Variants in PAPPA observed in about 807,000 individuals in gnomAD.
PAPPA encodes pappalysin 1.
Under a neutral mutation model 164.0 loss-of-function variants are expected in PAPPA, and 60 were observed. The ratio of observed to expected loss-of-function variants is 0.37; its 90% confidence interval spans 0.30 to 0.45. The LOEUF is 0.45. PAPPA is among the 20% of genes least tolerant of loss of function. PAPPA has a pLI of 1.00. For missense variants in PAPPA, 1,782 were observed against 2,087.3 expected, an observed-to-expected ratio of 0.85 and a Z score of 2.85; for synonymous variants, 875 against 814.1, an observed-to-expected ratio of 1.07 and a Z score of -1.27.
chr9:116,289,309 AT>A (rs1845398619), intron 9 of PAPPA, among the ~76,000 whole-genome samples: 1 of 145,630 alleles, frequency 6.9e-6, no homozygotes, highest in African/African-American at 2.5e-5. Flanking sequence ...TATAGCATAT[AT>A]ATGGCATATA....
chr9:116,176,572 C>T (rs1046053384), intron 1 of PAPPA, among the ~76,000 whole-genome samples: 1 of 152,096 alleles, frequency 6.6e-6, no homozygotes, highest in Non-Finnish European at 1.5e-5. Context: ...TCCATGGTAG[C>T]AGAGTTGATA....
chr9:116,157,747 C>A (rs1843620704), intron 1 of PAPPA, among the ~76,000 whole-genome samples: 1 of 152,126 alleles, frequency 6.6e-6, no homozygotes, highest in Admixed American at 6.5e-5. Context: ...CACGGACCCA[C>A]CACCCACACA....
chr9:116,294,166 T>C (rs1845472627), intron 9 of PAPPA, among the ~76,000 whole-genome samples: 1 of 152,002 alleles, frequency 6.6e-6, no homozygotes, highest in Non-Finnish European at 1.5e-5. Flanking sequence ...AGTGTGATAA[T>C]GTGATTACTT....
intron 2 of PAPPA, among the ~76,000 whole-genome samples, chr9:116,204,999 C>T (rs1311051707): frequency 6.6e-6 from 1 of 151,948 alleles, no homozygotes. Flanking sequence ...GACACTCAGC[C>T]TGGCTCTGTA....
chr9:116,179,819 C>T (rs1843882496), intron 1 of PAPPA, among the ~76,000 whole-genome samples: 1 of 152,168 alleles, frequency 6.6e-6, no homozygotes, highest in Admixed American at 6.5e-5. Flanking sequence ...TCAAGCATTC[C>T]TCTGTGGCTT....
At chr9:116,302,668 G>C in intron 9 of PAPPA, 89 bp from the exon 10 acceptor site, 5 of 1,006,912 alleles carry the variant, frequency 5.0e-6, no homozygotes, top group Non-Finnish European at 7.5e-6. Context: ...AATGGTTTTG[G>C]TGGTCTGACT....
intron 1 of PAPPA, among the ~76,000 whole-genome samples, chr9:116,156,675 C>G (rs1436172450): frequency 6.6e-6 from 1 of 152,128 alleles, no homozygotes; most frequent in Non-Finnish European, 1.5e-5. Context: ...TTTTCCCTCC[C>G]CTAGTTGAGT....
At chr9:116,261,619 T>G (rs1845002443) in intron 7 of PAPPA, among the ~76,000 whole-genome samples, 2 of 152,228 alleles carry the variant, frequency 1.3e-5, no homozygotes, top group South Asian at 4.1e-4. Context: ...AATGCATATT[T>G]AAGCTTAAGT....
At chr9:116,177,330 A>G (rs1050387965) in intron 1 of PAPPA, among the ~76,000 whole-genome samples, 1 of 152,084 alleles carries the variant, frequency 6.6e-6, no homozygotes, top group Non-Finnish European at 1.5e-5. Flanking sequence ...CTGTGCTTTC[A>G]CTCATGCAAG....
chr9:116,353,876 CT>C (rs1846317715), intron 17 of PAPPA, 83 bp downstream of exon 17: 1 of 952,216 alleles, frequency 1.1e-6, no homozygotes, highest in African/African-American at 1.7e-5. Context: ...TCAGGAACCA[CT>C]TTCTGCACTT....
chr9:116,241,507 T>A (rs1844735109), intron 7 of PAPPA, among the ~76,000 whole-genome samples: 1 of 152,168 alleles, frequency 6.6e-6, no homozygotes, highest in Non-Finnish European at 1.5e-5. Flanking sequence ...AATATGAATT[T>A]CTTATAACAT....
intron 18 of PAPPA, among the ~76,000 whole-genome samples, chr9:116,365,907 C>G (rs1266188914): frequency 6.6e-6 from 1 of 152,144 alleles, no homozygotes; most frequent in Non-Finnish European, 1.5e-5. Context: ...AGATGTGGCT[C>G]TCTCCTCACC....
intron 9 of PAPPA, among the ~76,000 whole-genome samples, chr9:116,297,146 T>G (rs1386294457): frequency 6.6e-6 from 1 of 152,178 alleles, no homozygotes; most frequent in African/African-American, 2.4e-5. Context: ...TGAGCCACCA[T>G]GTCTGGCAGA....
chr9:116,184,843 C>G (rs532427606), intron 1 of PAPPA, among the ~76,000 whole-genome samples: 3 of 152,084 alleles, frequency 2.0e-5, no homozygotes, highest in African/African-American at 7.2e-5. Context: ...TTCTCGTCTC[C>G]GGCTCTATTT....
intron 2 of PAPPA, among the ~76,000 whole-genome samples, chr9:116,199,081 A>G (rs1343144330): frequency 6.6e-6 from 1 of 152,224 alleles, no homozygotes; most frequent in Non-Finnish European, 1.5e-5. Flanking sequence ...GTCTAATAAT[A>G]TCCCAAAAGT....
At chr9:116,367,078 G>A (rs1438500393) in intron 18 of PAPPA, among the ~76,000 whole-genome samples, 1 of 152,212 alleles carries the variant, frequency 6.6e-6, no homozygotes, top group Non-Finnish European at 1.5e-5. Flanking sequence ...CTCTCACTCA[G>A]TTGTGGAATT....
intron 10 of PAPPA, among the ~76,000 whole-genome samples, chr9:116,321,712 A>G (rs528219888): frequency 6.6e-6 from 1 of 152,300 alleles, no homozygotes; most frequent in African/African-American, 2.4e-5. Flanking sequence ...TGCGTCACCA[A>G]TCTTATAAAG....
chr9:116,332,025 G>T (rs984345662), intron 11 of PAPPA, among the ~76,000 whole-genome samples: 2 of 152,018 alleles, frequency 1.3e-5, no homozygotes, highest in Non-Finnish European at 2.9e-5. Flanking sequence ...TGTACCTGTT[G>T]ATTTTTTTAT....
Position 116,205,956 on chromosome 9 carries a change from A to G in PAPPA, c.1479-1500A>G, listed in dbSNP as rs75886133. Among the ~76,000 whole-genome samples the G allele has an allele frequency of 7.7e-3, 1,171 of 152,310 alleles. 18 individuals are homozygous for G. Among genetic ancestry groups the G allele is most frequent in the African/African-American group, 0.027 (1,103 of 41,564 alleles). ...TCACCCACTCTGTTGCATTGCTTCA[A>G]CTACCAAACAGGGATGAGACATGTG... On this transcript the variant is annotated intron_variant, in intron 2 of 21. Transcript: ENST00000328252.
Sources: gnomAD v4.1 joint callset for allele counts (sites outside exome capture counted in the v4.1 genomes callset) on GRCh38, gnomAD v4.1.1 for gene constraint, MANE v1.5 for transcripts, NCBI Gene and HGNC (gene_info 2026-07-23, HGNC 2026-07-21) for gene names.